Variants in AUTS2 observed in about 807,000 individuals in gnomAD.
AUTS2 encodes the protein activator of transcription and developmental regulator AUTS2.
AUTS2 carries 17 observed loss-of-function variants against 112.4 expected under a neutral mutation model. The ratio of observed to expected loss-of-function variants is 0.15; its 90% CI spans 0.10 to 0.23. The LOEUF is 0.23. Among genes scored for constraint, AUTS2 ranks in the 10% least tolerant of loss-of-function variants. The pLI is 1.00. For missense variants in AUTS2, 1,510 were observed against 1,701.6 expected (o/e 0.89, Z 1.98); for synonymous variants, 751 against 702.7 (o/e 1.07, Z -1.09).
At chr7:70,770,361 T>C (rs1790258664) in intron 10 of AUTS2, among the ~76,000 whole-genome samples, 1 of 152,208 alleles carries the variant, frequency 6.6e-6, no homozygotes, top group South Asian at 2.1e-4. Flanking sequence ...GAACACGGGA[T>C]TGCGAAATGT....
At chr7:70,604,597 C>T (rs974723446) in intron 5 of AUTS2, among the ~76,000 whole-genome samples, 1 of 152,208 alleles carries the variant, frequency 6.6e-6, no homozygotes, top group Admixed American at 6.5e-5. Context: ...GGCTGTTCCC[C>T]AGTATAGAAT....
chr7:69,631,733 C>T (rs542373701), intron 1 of AUTS2, among the ~76,000 whole-genome samples: 1 of 152,198 alleles, frequency 6.6e-6, no homozygotes, highest in Non-Finnish European at 1.5e-5. Flanking sequence ...CTGATACATT[C>T]TTCTTTATCT....
intron 4 of AUTS2, among the ~76,000 whole-genome samples, chr7:70,235,279 A>G (rs982784486): frequency 6.6e-6 from 1 of 151,868 alleles, no homozygotes; most frequent in Non-Finnish European, 1.5e-5. Flanking sequence ...GACTGTAGTC[A>G]CATGCTACCA....
chr7:70,302,916 T>C (rs1445501862), intron 4 of AUTS2, among the ~76,000 whole-genome samples: 1 of 152,012 alleles, frequency 6.6e-6, no homozygotes, highest in East Asian at 1.9e-4. Context: ...CTTTTTTTTT[T>C]TTTTTTTGGC....
chr7:69,672,494 CT>C (rs775996606), intron 1 of AUTS2, among the ~76,000 whole-genome samples: 90 of 152,166 alleles, frequency 5.9e-4, no homozygotes, highest in Non-Finnish European at 1.1e-3. Flanking sequence ...ATTAATAACA[CT>C]GAGACAAAGC....
chr7:70,668,624 A>G (rs1807470883), intron 5 of AUTS2, among the ~76,000 whole-genome samples: 2 of 152,176 alleles, frequency 1.3e-5, no homozygotes, highest in Non-Finnish European at 2.9e-5. Context: ...TTCTGCTAAA[A>G]CAGACCTCCC....
In AUTS2 at chr7:70,447,555, C is replaced by T. The variant is rs376039150; in HGVS notation, c.690+11774C>T. ...GGGAACTGAATCACAGAGGTATTAC[C>T]GAACATGCCCAGTCTTGCTCCTGGT... On this transcript the variant is annotated intron_variant, in intron 5 of 18. Coordinates refer to ENST00000342771, the MANE Select transcript of AUTS2 (RefSeq NM_015570.4). Among the ~76,000 whole-genome samples, 44 of 152,286 alleles carry T rather than the reference C, an allele frequency of 2.9e-4. No homozygotes were observed. The South Asian group carries it at 8.7e-3, about 30-fold the overall frequency.
intron 2 of AUTS2, among the ~76,000 whole-genome samples, chr7:69,908,750 A>G (rs754724881): frequency 6.6e-6 from 1 of 152,240 alleles, no homozygotes; most frequent in Non-Finnish European, 1.5e-5. Flanking sequence ...ATGTATTACA[A>G]ACCTGGACAG....
At chr7:70,433,831 C>T (rs1585139248) in intron 4 of AUTS2, among the ~76,000 whole-genome samples, 1 of 152,274 alleles carries the variant, frequency 6.6e-6, no homozygotes, top group South Asian at 2.1e-4. Context: ...AATAAGTAGT[C>T]CCCAGGTTGT....
chr7:69,874,603 G>A (rs1393526702), intron 1 of AUTS2, among the ~76,000 whole-genome samples: 2 of 152,106 alleles, frequency 1.3e-5, no homozygotes, highest in Non-Finnish European at 2.9e-5. Context: ...GACAACAGAT[G>A]GCGGAGATTA....
intron 1 of AUTS2, among the ~76,000 whole-genome samples, chr7:69,840,060 G>A (rs1245544897): frequency 6.6e-6 from 1 of 152,004 alleles, no homozygotes; most frequent in African/African-American, 2.4e-5. Context: ...GATGGGGGTG[G>A]GCAGCGTCTT....
intron 6 of AUTS2, among the ~76,000 whole-genome samples, chr7:70,736,701 A>G (rs1174102777): frequency 6.6e-6 from 1 of 152,220 alleles, no homozygotes; most frequent in Non-Finnish European, 1.5e-5. Context: ...GAAAATGCCC[A>G]ACTGTTAGGG....
At chr7:70,689,754 C>T (rs540877731) in intron 5 of AUTS2, among the ~76,000 whole-genome samples, 32 of 124,624 alleles carry the variant, frequency 2.6e-4, no homozygotes, top group African/African-American at 4.7e-4. Flanking sequence ...CCAGCCTAGG[C>T]GACAGAGCAA....
At chr7:70,565,398 C>T (rs1283288677) in intron 5 of AUTS2, among the ~76,000 whole-genome samples, 3 of 152,140 alleles carry the variant, frequency 2.0e-5, no homozygotes, top group African/African-American at 7.2e-5. Context: ...GGTTACTATG[C>T]ACAGGGAGCA....
At chr7:70,717,084 T>C (rs1324604168) in intron 6 of AUTS2, among the ~76,000 whole-genome samples, 2 of 150,224 alleles carry the variant, frequency 1.3e-5, no homozygotes, top group Non-Finnish European at 2.9e-5. Flanking sequence ...CAGACTGTGG[T>C]GCAGTGGCAC....
At chr7:69,723,400 G>C (rs533939169) in intron 1 of AUTS2, among the ~76,000 whole-genome samples, 1 of 152,234 alleles carries the variant, frequency 6.6e-6, no homozygotes, top group African/African-American at 2.4e-5. Flanking sequence ...GCAAAGAACA[G>C]ACTAGCTTAA....
At chr7:69,721,146 G>A (rs1233419661) in intron 1 of AUTS2, among the ~76,000 whole-genome samples, 1 of 152,180 alleles carries the variant, frequency 6.6e-6, no homozygotes, top group Non-Finnish European at 1.5e-5. Flanking sequence ...GCAGGGTGTT[G>A]CTTATGATGC....
At position 69,730,663 on chromosome 7, in the gene AUTS2, C is replaced by G. The variant is rs556340507; in HGVS notation, c.309+130701C>G. Among the ~76,000 whole-genome samples the G allele has an allele frequency of 4.6e-5, 7 of 152,244 alleles. 1 individual carries two copies. The South Asian group carries it at 1.5e-3, about 32-fold the overall frequency. ...AGAGAATTTTTTTAATGCACTTAAGCCTTCTCTTAAGCACTGTTAAGAACT... is the reference window on the plus strand; with the variant it reads ...AGAGAATTTTTTTAATGCACTTAAGGCTTCTCTTAAGCACTGTTAAGAACT... On this transcript the variant is annotated intron_variant, in intron 1 of 18. Transcript: ENST00000342771.
At position 70,790,284 on chromosome 7, in the gene AUTS2, C is replaced by A. The variant is rs544784004; in HGVS notation, c.3068C>A (p.Pro1023His). 6.2e-7 allele frequency: 1 copy of A among 1,613,420 alleles called. No homozygotes were observed. The highest frequency in any genetic ancestry group is 1.7e-5 in the Admixed American group (1 of 60,016). ...SVHPGPLASM[P>H]MTVGVTGIHP... ...CACCCGGGGCCCCTGGCCTCGATGC[C>A]CATGACGGTGGGGGTGACGGGCATT... is the stretch of plus-strand genomic sequence containing the variant. Residue 1023 changes from proline to histidine, a missense_variant, in exon 19 of 19, where the codon CCC becomes CAC. By Grantham distance (77) the Pro-to-His change is moderately conservative. Around this residue, in one of 3 missense-constraint regions of AUTS2, gnomAD observed 788 missense variants for 797.6 expected, o/e 0.99. Coordinates refer to ENST00000342771, the MANE Select transcript of AUTS2 (RefSeq NM_015570.4). This position sits in a 1 kb window ranked among gnomAD's most constrained non-coding sequence, Gnocchi z 7.6.
Sources: allele counts gnomAD v4.1 joint callset (sites outside exome capture counted in the v4.1 genomes callset), GRCh38; gene constraint gnomAD v4.1.1; regional missense constraint gnomAD v4.1.1; non-coding constraint Gnocchi (gnomAD v3.1); transcripts MANE v1.5; gene names NCBI Gene and HGNC (gene_info 2026-07-23, HGNC 2026-07-21).